The following ANO3 variants were observed in gnomAD, a reference collection of about 807,000 sequenced individuals.
ANO3 encodes the protein anoctamin 3.
In ANO3, 99 loss-of-function variants were observed where a neutral mutation model predicts 144.8. That is an observed-to-expected ratio of 0.68 (90% CI 0.58 to 0.81). The LOEUF is 0.81. ANO3 is among the 30% of genes least tolerant of loss of function. The pLI, the probability that ANO3 is intolerant of heterozygous loss-of-function variation, is 0.00. For synonymous variants in ANO3, 414 were observed against 392.6 expected (o/e 1.05, Z -0.64); for missense variants, 905 against 1,202.2 (o/e 0.75, Z 3.66).
chr11:26,656,469 T>C lies in ANO3; in HGVS notation c.2751T>C (p.Ile917=). 6.2e-7 allele frequency: 1 copy of C among 1,604,402 alleles called. No homozygotes were observed. Among genetic ancestry groups the C allele is most frequent in the African/African-American group, 1.3e-5 (1 of 74,878 alleles). Residue 917 remains isoleucine, a synonymous_variant, in exon 26 of 27, where the codon ATT becomes ATC. Coordinates refer to ENST00000256737, the MANE Select transcript of ANO3 (RefSeq NM_031418.4). ...TCCTTGCTGCTAGATTGGCCTTCAT[T>C]ATTGTGTTTGAGGTTAGTCACAAGC... ...WHILAARLAF[I]IVFEHLVFGI... is the part of the protein sequence containing the mutation.
At chr11:26,265,105 AT>A (rs1276525529) in intron 1 of ANO3, among the ~76,000 whole-genome samples, 3 of 151,964 alleles carry the variant, frequency 2.0e-5, no homozygotes, top group Non-Finnish European at 4.4e-5. Context: ...CTAACCTGAC[AT>A]TTTTTCTACT....
chr11:26,330,609 A>G (rs1298044573), upstream of ANO3, among the ~76,000 whole-genome samples: 1 of 152,252 alleles, frequency 6.6e-6, no homozygotes, highest in African/African-American at 2.4e-5. Context: ...GTTACTGAAC[A>G]ATCAAGAGAG....
At chr11:26,413,400 T>G (rs932649438) in intron 1 of ANO3, among the ~76,000 whole-genome samples, 6 of 152,078 alleles carry the variant, frequency 3.9e-5, no homozygotes, top group African/African-American at 1.4e-4. Flanking sequence ...GCCATGCATT[T>G]TTTTGGACAA....
At chr11:26,227,319 A>G (rs1852277274) in intron 1 of ANO3, among the ~76,000 whole-genome samples, 1 of 152,182 alleles carries the variant, frequency 6.6e-6, no homozygotes, top group African/African-American at 2.4e-5. Flanking sequence ...TTCATTTTAT[A>G]ACTCTGATGA....
At chr11:26,647,896 A>G (rs1236475658) in intron 24 of ANO3, 40 bp downstream of exon 24, 3 of 1,566,992 alleles carry the variant, frequency 1.9e-6, no homozygotes, top group Middle Eastern at 1.7e-4. Context: ...TATGTTTTAC[A>G]TTTGTAATTA....
intron 1 of ANO3, among the ~76,000 whole-genome samples, chr11:26,200,319 C>G (rs922485447): frequency 2.0e-5 from 3 of 152,142 alleles, no homozygotes; most frequent in African/African-American, 7.2e-5. Flanking sequence ...CCTTCTGCCT[C>G]TTCTCTTAGA....
intron 1 of ANO3, among the ~76,000 whole-genome samples, chr11:26,388,584 A>G (rs12275964): frequency 0.27 from 40,427 of 152,120 alleles, 6,031 homozygotes; most frequent in African/African-American, 0.41. Context: ...TTAAGCCTTT[A>G]CAATATACGT....
chr11:26,235,994 T>G (rs2133806551), intron 1 of ANO3, among the ~76,000 whole-genome samples: 1 of 152,246 alleles, frequency 6.6e-6, no homozygotes. Flanking sequence ...TGAGCAAAAA[T>G]ATGTGTATAT....
chr11:26,338,570 G>A (rs537123438), intron 1 of ANO3, among the ~76,000 whole-genome samples: 1 of 152,244 alleles, frequency 6.6e-6, no homozygotes, highest in East Asian at 1.9e-4. Context: ...TGGAAGCTTT[G>A]TTCTTTCGCT....
intron 7 of ANO3, among the ~76,000 whole-genome samples, chr11:26,530,798 C>T (rs755297328): frequency 2.0e-5 from 3 of 151,852 alleles, no homozygotes; most frequent in East Asian, 1.9e-4. Flanking sequence ...GAACCTGGGA[C>T]GTGGAGGTTG....
rs79291847 is a variant in ANO3 at position 26,298,062 on chromosome 11, C to G, written c.155-11583C>G. Among the ~76,000 whole-genome samples, 21 of 152,292 alleles carry G rather than the reference C, an allele frequency of 1.4e-4. No individual in the cohort carries two copies. In the East Asian group the frequency reaches 4.0e-3, roughly 29 times the overall value. Reference sequence around the variant, plus strand: ...AGCAGAATCAGTAGATAACATTTTTCTCTTCTCTGCCTGGATTCTCAGAAA... The same window carrying G: ...AGCAGAATCAGTAGATAACATTTTTGTCTTCTCTGCCTGGATTCTCAGAAA... On this transcript the variant is annotated intron_variant, in intron 1 of 27. Transcript: ENST00000672621.
intron 1 of ANO3, among the ~76,000 whole-genome samples, chr11:26,401,931 CA>C (rs1382058436): frequency 1.3e-5 from 2 of 151,954 alleles, no homozygotes; most frequent in African/African-American, 4.8e-5. Context: ...CCGACAGTAA[CA>C]GAAAATCTAA....
rs1441929695 is a variant in ANO3 at position 26,662,653 on chromosome 11, A to G, written c.*2209A>G. On this transcript the variant is annotated 3_prime_UTR_variant, in exon 27 of 27. Coordinates refer to ENST00000256737, the MANE Select transcript of ANO3 (RefSeq NM_031418.4). ...AAGAAAAATATGAAAAGAGAAAAAT[A>G]TTTTAATTTAAAAATTGTAATACAT... 2 of 152,112 alleles carry G rather than the reference A, an allele frequency of 1.3e-5. No homozygotes were observed. Among genetic ancestry groups the G allele is most frequent in the Admixed American group, 6.6e-5 (1 of 15,230 alleles). The allele number at this position is 152,112 out of a possible 1,614,324, so 9.4% of individuals were successfully genotyped here.
chr11:26,516,721 C>A, intron 5 of ANO3, 106 bp from the exon 6 acceptor site: 2 of 629,616 alleles, frequency 3.2e-6, no homozygotes, highest in South Asian at 2.8e-5. Context: ...TGTCAGTGAT[C>A]ATGCATAGTC....
intron 6 of ANO3, among the ~76,000 whole-genome samples, chr11:26,520,845 T>C (rs1862044173): frequency 6.6e-6 from 1 of 152,168 alleles, no homozygotes; most frequent in South Asian, 2.1e-4. Flanking sequence ...ATGTCCATGG[T>C]AAGGAAATCT....
intron 2 of ANO3, 66 bp downstream of exon 2, chr11:26,442,178 C>T: frequency 6.7e-7 from 1 of 1,497,038 alleles, no homozygotes; most frequent in Non-Finnish European, 9.1e-7. Context: ...ACACTCCTTT[C>T]CTTCCTTTTT....
At chr11:26,200,846 A>T (rs191930722) in intron 1 of ANO3, among the ~76,000 whole-genome samples, 32 of 152,260 alleles carry the variant, frequency 2.1e-4, no homozygotes, top group African/African-American at 3.4e-4. Flanking sequence ...AGAAATTTTT[A>T]AAAAATTATT....
At position 26,516,708 on chromosome 11, in the gene ANO3, C is replaced by T. The variant is rs531993889; in HGVS notation, c.592-119C>T. The T allele has an allele frequency of 2.3e-5, 12 of 530,418 alleles. No individual in the cohort carries two copies. The African/African-American group carries it at 2.3e-4, about 10-fold the overall frequency. The allele number at this position is 530,418 out of a possible 1,614,324, so 32.9% of individuals were successfully genotyped here. ...TTATCCATATAAATTTCTTTTAAAT[C>T]AGTGTCAGTGATCATGCATAGTCAA... is the stretch of plus-strand genomic sequence containing the variant. On this transcript the variant is annotated intron_variant, in intron 5 of 26. Transcript: ENST00000256737.
intron 14 of ANO3, among the ~76,000 whole-genome samples, chr11:26,568,638 C>T (rs1850694848): frequency 6.6e-6 from 1 of 152,012 alleles, no homozygotes; most frequent in African/African-American, 2.4e-5. Flanking sequence ...CGATAACTGT[C>T]TATTATGGTT....
Sources: gnomAD v4.1 joint callset for allele counts (sites outside exome capture counted in the v4.1 genomes callset) on GRCh38, gnomAD v4.1.1 for gene constraint, MANE v1.5 for transcripts, NCBI Gene and HGNC (gene_info 2026-07-23, HGNC 2026-07-21) for gene names.